TTC23: variants seen among roughly 807,000 people sequenced by gnomAD.
TTC23 encodes the protein tetratricopeptide repeat protein 23.
TTC23 carries 58 observed loss-of-function variants against 55.1 expected under a neutral mutation model. The observed-to-expected ratio is 1.05, with a 90% CI of 0.85 to 1.31. The LOEUF is 1.31. TTC23 is among the 50% of genes most tolerant of loss of function. TTC23 has a pLI of 0.00. For synonymous variants in TTC23, 203 were observed against 199.9 expected (o/e 1.02, Z -0.13); for missense variants, 516 against 534.4 (o/e 0.97, Z 0.34).
chr15:99,143,557 G>T (rs1555491438), intron 12 of TTC23, among the ~76,000 whole-genome samples: 1 of 152,164 alleles, frequency 6.6e-6, no homozygotes, highest in African/African-American at 2.4e-5. Context: ...AGCCACTAAG[G>T]GGTGTTTCTC....
chr15:99,159,718 T>G (rs2071093894), intron 11 of TTC23: 1 of 152,274 alleles, frequency 6.6e-6, no homozygotes, highest in Admixed American at 6.5e-5. Context: ...TGGTTTATCC[T>G]GAGGGCATCG....
intron 4 of TTC23, among the ~76,000 whole-genome samples, chr15:99,234,355 T>C (rs2079143617): frequency 1.3e-5 from 2 of 152,142 alleles, no homozygotes; most frequent in African/African-American, 4.8e-5. Flanking sequence ...AATTTATTTA[T>C]TTATTTATCT....
At chr15:99,138,740 G>A (rs769566623) in intron 13 of TTC23, among the ~76,000 whole-genome samples, 28 of 152,212 alleles carry the variant, frequency 1.8e-4, no homozygotes, top group South Asian at 4.1e-4. Flanking sequence ...TCCCTGGCTC[G>A]CCTTCCCTGC....
chr15:99,211,611 A>G (rs2077044817), intron 8 of TTC23, among the ~76,000 whole-genome samples: 1 of 146,118 alleles, frequency 6.8e-6, no homozygotes, highest in African/African-American at 2.6e-5. Context: ...ATGTTCAATT[A>G]GATCATAATG....
intron 9 of TTC23, among the ~76,000 whole-genome samples, chr15:99,193,917 G>C (rs2075466449): frequency 6.6e-6 from 1 of 151,994 alleles, no homozygotes; most frequent in South Asian, 2.1e-4. Context: ...GCTGATGCAG[G>C]AGAATTACTT....
chr15:99,175,846 T>A (rs2073487255), intron 9 of TTC23, among the ~76,000 whole-genome samples: 1 of 152,058 alleles, frequency 6.6e-6, no homozygotes, highest in Admixed American at 6.5e-5. Context: ...AATATAAAAA[T>A]TAGCCGGGTA....
chr15:99,139,741 T>C (rs1472932276), intron 12 of TTC23: 21 of 1,332,704 alleles, frequency 1.6e-5, no homozygotes, highest in Non-Finnish European at 2.1e-5. Context: ...GCCCTTGTTA[T>C]AGCCTGGAAA....
intron 7 of TTC23, 87 bp from the exon 8 acceptor site, chr15:99,218,800 C>T: frequency 6.2e-7 from 1 of 1,601,248 alleles, no homozygotes; most frequent in Non-Finnish European, 8.5e-7. Context: ...CTTCCAATCA[C>T]ACTTCCTAAG....
chr15:99,207,398 A>C (rs1360043845), intron 8 of TTC23, among the ~76,000 whole-genome samples: 1 of 152,226 alleles, frequency 6.6e-6, no homozygotes, highest in Non-Finnish European at 1.5e-5. Context: ...TCACAGAACA[A>C]GAATTCCAAA....
intron 12 of TTC23, among the ~76,000 whole-genome samples, chr15:99,154,765 T>G (rs573890957): frequency 6.6e-6 from 1 of 152,298 alleles, no homozygotes; most frequent in East Asian, 1.9e-4. Flanking sequence ...TAGTTCTAAT[T>G]AAAAAAGCAC....
intron 12 of TTC23, among the ~76,000 whole-genome samples, chr15:99,151,547 C>G (rs1212796389): frequency 4.6e-5 from 7 of 152,264 alleles, no homozygotes; most frequent in African/African-American, 1.7e-4. Flanking sequence ...GCATGAGAGT[C>G]TAGCTGAGGC....
In TTC23 at chr15:99,218,596, T is replaced by C. The variant is rs773190522; in HGVS notation, c.573A>G (p.Ser191=). Reference sequence around the variant, plus strand: ...CTAAACTTGAAACTTACTGTGCAAATGATAATCTGATCCGTGCTTCAATTT... The same window carrying C: ...CTAAACTTGAAACTTACTGTGCAAACGATAATCTGATCCGTGCTTCAATTT... ...WIEIEARIRL[S]FAQVYQGQKK... is the part of the protein sequence containing the mutation. Residue 191 remains serine (S), a synonymous_variant, in exon 8 of 14, where the codon TCA becomes TCG. Coordinates refer to ENST00000394132, the MANE Select transcript of TTC23 (RefSeq NM_001288615.3). 54 of 1,614,174 alleles carry C rather than the reference T, an allele frequency of 3.3e-5. No homozygotes were observed. In the Admixed American group the frequency reaches 4.5e-4, roughly 13 times the overall value.
chr15:99,250,471 TAG>T (rs2152112979), upstream of TTC23, among the ~76,000 whole-genome samples: 1 of 152,256 alleles, frequency 6.6e-6, no homozygotes, highest in East Asian at 1.9e-4. Context: ...CGCAAACTCA[TAG>T]ACAGGCTTTC....
intron 9 of TTC23, among the ~76,000 whole-genome samples, chr15:99,187,464 A>AC (rs1555512762): frequency 2.1e-5 from 3 of 145,178 alleles, no homozygotes; most frequent in African/African-American, 5.2e-5. Context: ...AAAAAAAAAA[A>AC]AAAACAAAAC....
intron 9 of TTC23, among the ~76,000 whole-genome samples, chr15:99,193,406 GTTCTT>G: frequency 6.6e-6 from 1 of 152,258 alleles, no homozygotes; most frequent in African/African-American, 2.4e-5. Flanking sequence ...TTCCCATGCT[GTTCTT>G]GTGATAGTGA....
At position 99,182,314 on chromosome 15, in the gene TTC23, G is replaced by A. The variant is rs986564290; in HGVS notation, c.760-7159C>T. On this transcript the variant is annotated intron_variant, in intron 9 of 13. Transcript: ENST00000394132. ...CATAATCATAACCCAGCCACGTGCC[G>A]CTCTTAGCTTCATCTCCTATGACCC... is the stretch of plus-strand genomic sequence containing the variant. Among the ~76,000 whole-genome samples, 30 of 146,406 alleles carry A rather than the reference G, an allele frequency of 2.0e-4. No individual in the cohort carries two copies. In the East Asian group the frequency reaches 2.2e-3, roughly 11 times the overall value.
At chr15:99,143,109 G>A (rs1325113925) in intron 12 of TTC23, among the ~76,000 whole-genome samples, 3 of 152,186 alleles carry the variant, frequency 2.0e-5, no homozygotes, top group South Asian at 4.1e-4. Context: ...CTAATCCCTT[G>A]TGTGATTACA....
Position 99,161,806 on chromosome 15 carries a change from TC to T in TTC23, c.926del (p.Gly309GlufsTer18). The T allele has an allele frequency of 6.2e-7, 1 of 1,613,772 alleles. No individual in the cohort carries two copies. The highest frequency in any genetic ancestry group is 8.5e-7 in the Non-Finnish European group (1 of 1,179,964). Reference sequence around the variant, plus strand: ...CTTGAATTGAAAGAAATTTGGTTCTTCCCATCCCTTCAGAATCCTTAAGATG... The same window carrying T: ...CTTGAATTGAAAGAAATTTGGTTCTTCCATCCCTTCAGAATCCTTAAGATG... The part of the protein sequence containing the change: ...MAHLKDSEGM[G>X]RTKFLSIQDE... On this transcript the variant is annotated frameshift_variant, in exon 11 of 14. Transcript: ENST00000394132. LOFTEE classifies it high-confidence loss of function.
At chr15:99,156,089 T>A (rs1178971990) in intron 12 of TTC23, 59 bp downstream of exon 12, 2 of 1,607,718 alleles carry the variant, frequency 1.2e-6, no homozygotes, top group South Asian at 1.1e-5. Context: ...GGGAGAGAAA[T>A]TGACCTTGGA....
Sources: allele counts gnomAD v4.1 joint callset (sites outside exome capture counted in the v4.1 genomes callset), GRCh38; gene constraint gnomAD v4.1.1; transcripts MANE v1.5; gene names NCBI Gene and HGNC (gene_info 2026-07-23, HGNC 2026-07-21).